Variants in LDAH observed in about 807,000 individuals in gnomAD.
LDAH encodes the protein lipid droplet associated hydrolase.
In LDAH, 26 loss-of-function variants were observed where a neutral mutation model predicts 29.6. The observed-to-expected ratio is 0.88, with a 90% confidence interval of 0.64 to 1.22. The LOEUF (loss-of-function observed/expected upper bound fraction) is 1.22, where lower values mean the gene tolerates loss of function less well. Ranked by LOEUF, LDAH falls within the 50% of genes most tolerant of loss-of-function variation. The pLI is 0.00. For synonymous variants in LDAH, 117 were observed against 133.0 expected, an observed-to-expected ratio of 0.88 and a Z score of 0.83; for missense variants, 344 against 387.3, an observed-to-expected ratio of 0.89 and a Z score of 0.94.
chr2:20,766,779 T>C (rs1342043911), intron 4 of LDAH, among the ~76,000 whole-genome samples: 1 of 152,150 alleles, frequency 6.6e-6, no homozygotes, highest in Non-Finnish European at 1.5e-5. Context: ...GCATAGACGG[T>C]GGCAGCAGAA....
intron 1 of LDAH, among the ~76,000 whole-genome samples, chr2:20,818,569 G>A (rs946676961): frequency 9.5e-5 from 14 of 147,908 alleles, no homozygotes; most frequent in African/African-American, 3.1e-4. Context: ...TAAAACTACT[G>A]CTTTTTTTTT....
In LDAH at chr2:20,756,771, GA is replaced by G. The variant is rs1000202200; in HGVS notation, c.469-16567del. Among the ~76,000 whole-genome samples, 45 of 152,098 alleles carry G rather than the reference GA, an allele frequency of 3.0e-4. 1 individual carries two copies. Among genetic ancestry groups the G allele is most frequent in the Admixed American group, 2.9e-3 (45 of 15,292 alleles). Reference sequence around the variant, plus strand: ...CACAAATAATGAGAAAACAAGTAGAGAAAAAAATACAAGAGTTTTCAGTGTG... The same window carrying G: ...CACAAATAATGAGAAAACAAGTAGAGAAAAAATACAAGAGTTTTCAGTGTG... On this transcript the variant is annotated intron_variant, in intron 4 of 6. Transcript: ENST00000237822.
intron 5 of LDAH, among the ~76,000 whole-genome samples, chr2:20,706,702 A>AC: frequency 7.1e-6 from 1 of 141,590 alleles, no homozygotes; most frequent in Non-Finnish European, 1.6e-5. Context: ...TCCTGAAACA[A>AC]CTAAAAAAAA....
chr2:20,789,167 C>T lies in LDAH; in HGVS notation c.298+1088G>A, dbSNP rs1670761330. The stretch of plus-strand genomic sequence containing the variant: ...AAAACCAGCTGTAATGGTCTGAATG[C>T]TTATATGGCCCCCAAATCCATAGGT... On this transcript the variant is annotated intron_variant, in intron 3 of 6. Transcript: ENST00000237822. 3 of 1,550,530 alleles carry T rather than the reference C, an allele frequency of 1.9e-6. No individual in the cohort carries two copies. The East Asian group carries it at 7.3e-5, about 38-fold the overall frequency.
At chr2:20,764,255 A>G (rs899691941) in intron 4 of LDAH, among the ~76,000 whole-genome samples, 13 of 152,250 alleles carry the variant, frequency 8.5e-5, no homozygotes, top group Non-Finnish European at 1.8e-4. Flanking sequence ...ATAGCATTTC[A>G]TCATCTACAA....
intron 3 of LDAH, among the ~76,000 whole-genome samples, chr2:20,780,873 T>C (rs1670147984): frequency 6.6e-6 from 1 of 152,124 alleles, no homozygotes; most frequent in Non-Finnish European, 1.5e-5. Flanking sequence ...GTTCCTGCCT[T>C]GGGCTCATCT....
rs938756398 is a variant in LDAH, at chr2:20,814,233, G to T, written c.-3+8804C>A. On this transcript the variant is annotated intron_variant, in intron 1 of 6. Transcript: ENST00000237822. ...TACTGTCAGTGAGTCTGACAATGGG[G>T]GGGGGGGGTCCATGGTTTATTTTTA... is the stretch of plus-strand genomic sequence containing the variant. Among the ~76,000 whole-genome samples the T allele has an allele frequency of 1.1e-4, 16 of 148,972 alleles. 1 individual carries two copies. Among genetic ancestry groups the T allele is most frequent in the Admixed American group, 6.7e-4 (10 of 14,960 alleles).
intron 1 of LDAH, among the ~76,000 whole-genome samples, chr2:20,822,786 G>A (rs1224138410): frequency 6.6e-6 from 1 of 152,174 alleles, no homozygotes; most frequent in Non-Finnish European, 1.5e-5. Context: ...TACACTTAGG[G>A]GTTCAAATGC....
intron 5 of LDAH, among the ~76,000 whole-genome samples, chr2:20,719,255 C>G (rs1572470505): frequency 7.6e-6 from 1 of 131,178 alleles, no homozygotes; most frequent in Admixed American, 7.9e-5. Context: ...ATAGACAATA[C>G]CAACATGCTG....
intron 5 of LDAH, among the ~76,000 whole-genome samples, chr2:20,727,100 G>A (rs964858745): frequency 4.6e-5 from 7 of 152,116 alleles, no homozygotes; most frequent in South Asian, 4.1e-4. Context: ...AGCTGGGGCC[G>A]GGCATGACGG....
At chr2:20,719,789 C>T (rs1477195339) in intron 5 of LDAH, among the ~76,000 whole-genome samples, 2 of 151,978 alleles carry the variant, frequency 1.3e-5, no homozygotes, top group Non-Finnish European at 2.9e-5. Context: ...TGGAATTCAG[C>T]CCAGGGAGGC....
chr2:20,783,734 C>G (rs1183393193), intron 3 of LDAH, among the ~76,000 whole-genome samples: 1 of 152,166 alleles, frequency 6.6e-6, no homozygotes, highest in East Asian at 1.9e-4. Context: ...GTTTTAAAGA[C>G]AAGATCTCAC....
At chr2:20,690,684 G>A (rs1662941769) in intron 6 of LDAH, among the ~76,000 whole-genome samples, 1 of 152,110 alleles carries the variant, frequency 6.6e-6, no homozygotes, top group Non-Finnish European at 1.5e-5. Context: ...AGTGTGTGGT[G>A]GCACTGGCGG....
intron 4 of LDAH, among the ~76,000 whole-genome samples, chr2:20,753,554 G>A (rs1175297499): frequency 6.6e-6 from 1 of 152,194 alleles, no homozygotes; most frequent in Non-Finnish European, 1.5e-5. Flanking sequence ...GTATAAGGGT[G>A]TATTTAATGT....
intron 5 of LDAH, among the ~76,000 whole-genome samples, chr2:20,725,861 G>A (rs189224280): frequency 2.0e-5 from 3 of 152,214 alleles, no homozygotes; most frequent in Admixed American, 2.0e-4. Flanking sequence ...GAGCCATGAC[G>A]TGACCATGAG....
chr2:20,788,186 T>G (rs1670689190), intron 3 of LDAH, among the ~76,000 whole-genome samples: 2 of 152,118 alleles, frequency 1.3e-5, no homozygotes, highest in African/African-American at 4.8e-5. Context: ...AAATAGAAAA[T>G]TATACAACAT....
intron 4 of LDAH, among the ~76,000 whole-genome samples, chr2:20,746,680 T>TA (rs890543224): frequency 1.1e-3 from 169 of 147,230 alleles, no homozygotes; most frequent in Middle Eastern, 3.4e-3. Context: ...TTCATATTGG[T>TA]AAAAAAAAAA....
At chr2:20,726,240 G>C (rs1269503339) in intron 5 of LDAH, among the ~76,000 whole-genome samples, 2 of 152,218 alleles carry the variant, frequency 1.3e-5, no homozygotes, top group African/African-American at 4.8e-5. Flanking sequence ...AGGAGGCAGG[G>C]TAGGAGCTGA....
chr2:20,810,649 C>T (rs942679616), intron 1 of LDAH, among the ~76,000 whole-genome samples: 1 of 152,158 alleles, frequency 6.6e-6, no homozygotes, highest in African/African-American at 2.4e-5. Flanking sequence ...TCAAAGCACA[C>T]CGATAAGAAC....
Sources: allele counts gnomAD v4.1 joint callset (sites outside exome capture counted in the v4.1 genomes callset), GRCh38; gene constraint gnomAD v4.1.1; transcripts MANE v1.5; gene names NCBI Gene and HGNC (gene_info 2026-07-23, HGNC 2026-07-21).